The following SH3PXD2B variants were observed in gnomAD, a reference collection of about 807,000 sequenced individuals.
SH3PXD2B encodes the protein SH3 and PX domain-containing protein 2B.
In SH3PXD2B, 37 loss-of-function variants were observed where a neutral mutation model predicts 73.1. The observed-to-expected ratio is 0.51, with a 90% CI of 0.39 to 0.67. SH3PXD2B has a LOEUF of 0.67. SH3PXD2B is among the 30% of genes least tolerant of loss of function. The pLI is 0.00. For missense variants in SH3PXD2B, 1,053 were observed against 1,197.8 expected, an observed-to-expected ratio of 0.88 and a Z score of 1.78; for synonymous variants, 457 against 480.5, an observed-to-expected ratio of 0.95 and a Z score of 0.64.
intron 1 of SH3PXD2B, among the ~76,000 whole-genome samples, chr5:172,423,425 A>G (rs1356524002): frequency 6.6e-6 from 1 of 152,006 alleles, no homozygotes; most frequent in East Asian, 1.9e-4. Flanking sequence ...TTTCACAGGC[A>G]GTGTCCCTGT....
Position 172,368,652 on chromosome 5 carries a change from A to T in SH3PXD2B, c.427+5138T>A, listed in dbSNP as rs182011684. Among the ~76,000 whole-genome samples the T allele has an allele frequency of 1.8e-3, 21 of 11,656 alleles. 3 individuals are homozygous for T. Among genetic ancestry groups the T allele is most frequent in the Non-Finnish European group, 2.2e-3 (19 of 8,530 alleles). The allele number at this position is 11,656 out of a possible 152,430, so 7.6% of individuals were successfully genotyped here. ...TATAATATATATGTTATATATATAAAATATATATATTATATATATATAAAA... is the reference window on the plus strand; with the variant it reads ...TATAATATATATGTTATATATATAATATATATATATTATATATATATAAAA... On this transcript the variant is annotated intron_variant, in intron 6 of 12. Coordinates refer to ENST00000311601, the MANE Select transcript of SH3PXD2B (RefSeq NM_001017995.3).
intron 3 of SH3PXD2B, among the ~76,000 whole-genome samples, chr5:172,400,937 A>G (rs1333792525): frequency 6.6e-6 from 1 of 152,188 alleles, no homozygotes; most frequent in African/African-American, 2.4e-5. Context: ...TTCTAAAAAG[A>G]TCTAAGAGAT....
intron 4 of SH3PXD2B, among the ~76,000 whole-genome samples, chr5:172,393,854 G>A (rs1758238625): frequency 6.6e-6 from 1 of 152,172 alleles, no homozygotes; most frequent in South Asian, 2.1e-4. Context: ...ACAGGAAGCT[G>A]CTGCACCATC....
intron 6 of SH3PXD2B, among the ~76,000 whole-genome samples, chr5:172,367,062 G>C (rs1757545512): frequency 6.7e-6 from 1 of 149,772 alleles, no homozygotes; most frequent in African/African-American, 2.5e-5. Context: ...TCAGCCTCCC[G>C]AGTAACTGGG....
At chr5:172,329,193 G>T (rs1231630204), downstream of SH3PXD2B, among the ~76,000 whole-genome samples, 1 of 148,004 alleles carries the variant, frequency 6.8e-6, no homozygotes, top group Non-Finnish European at 1.5e-5. Flanking sequence ...TGATTCTCCT[G>T]ACTCAGCCTC....
chr5:172,336,284 C>A lies in SH3PXD2B; in HGVS notation c.*2085G>T, dbSNP rs190667785. On this transcript the variant is annotated 3_prime_UTR_variant, in exon 13 of 13. Coordinates refer to ENST00000311601, the MANE Select transcript of SH3PXD2B (RefSeq NM_001017995.3). ...TTTAAACCAAAGTGGATCAAGAACT[C>A]AGGAAAACTGCCATGGGGCCTCCTC... 705 of 985,508 alleles carry A rather than the reference C, an allele frequency of 7.2e-4. No individual in the cohort carries two copies. The highest frequency in any genetic ancestry group is 8.2e-4 in the Non-Finnish European group (679 of 829,944). The allele number at this position is 985,508 out of a possible 1,614,324, so 61.0% of individuals were successfully genotyped here.
Position 172,344,353 on chromosome 5 carries a change from C to T in SH3PXD2B, c.1188+1783G>A, listed in dbSNP as rs138391756. ...CTGTAATGCCAGAACTTTGGGAGGC[C>T]GAGGTGGGCAGATCACCTGAGGTCA... On this transcript the variant is annotated intron_variant, in intron 12 of 12. Coordinates refer to ENST00000311601, the MANE Select transcript of SH3PXD2B (RefSeq NM_001017995.3). Among the ~76,000 whole-genome samples, 352 of 152,100 alleles carry T rather than the reference C, an allele frequency of 2.3e-3. 4 individuals are homozygous for T. The highest frequency in any genetic ancestry group is 8.1e-3 in the African/African-American group (335 of 41,460).
intron 8 of SH3PXD2B, among the ~76,000 whole-genome samples, chr5:172,357,384 A>G (rs1757305338): frequency 6.6e-6 from 1 of 151,864 alleles, no homozygotes; most frequent in Non-Finnish European, 1.5e-5. Flanking sequence ...AGATCATGCC[A>G]CTGTACTCCA....
intron 3 of SH3PXD2B, among the ~76,000 whole-genome samples, chr5:172,396,438 G>C (rs1758300903): frequency 6.6e-6 from 1 of 151,884 alleles, no homozygotes. Flanking sequence ...AAGGAATGTT[G>C]AAAAACAACC....
chr5:172,334,460 T>G lies in SH3PXD2B; in HGVS notation c.*3909A>C, dbSNP rs1756639836. ...AGGTCATCTTTGGTCTGTGGTGAGG[T>G]ATGGATGTCTGCAGTCTACACAACA... On this transcript the variant is annotated 3_prime_UTR_variant, in exon 13 of 13. Transcript: ENST00000311601. 6.1e-5 allele frequency: 60 copies of G among 986,738 alleles called. No individual in the cohort carries two copies. The highest frequency in any genetic ancestry group is 7.1e-5 in the Non-Finnish European group (59 of 831,112). The allele number at this position is 986,738 out of a possible 1,614,324, so 61.1% of individuals were successfully genotyped here. A position where few individuals can be genotyped will look rare whatever the true frequency, so the allele number is the denominator to read the frequency against.
intron 12 of SH3PXD2B, among the ~76,000 whole-genome samples, chr5:172,345,577 C>T (rs1220196100): frequency 6.6e-6 from 1 of 152,172 alleles, no homozygotes; most frequent in Non-Finnish European, 1.5e-5. Flanking sequence ...CCCTTACTTA[C>T]AGGTTTTCTT....
intron 6 of SH3PXD2B, among the ~76,000 whole-genome samples, chr5:172,370,064 C>T (rs1757666901): frequency 6.6e-6 from 1 of 152,160 alleles, no homozygotes; most frequent in Non-Finnish European, 1.5e-5. Flanking sequence ...CTTGTTCATT[C>T]AGCATCCAGC....
rs779604984 is a variant in SH3PXD2B at position 172,339,112 on chromosome 5, T to A, written c.1993A>T (p.Asn665Tyr). 21 of 1,614,118 alleles carry A rather than the reference T, an allele frequency of 1.3e-5. No homozygotes were observed. The highest frequency in any genetic ancestry group is 1.7e-5 in the Non-Finnish European group (20 of 1,180,050). The change falls in exon 13 of 13, where the codon AAC becomes TAC. Residue 665 changes from asparagine to tyrosine, a missense_variant. Coordinates refer to ENST00000311601, the MANE Select transcript of SH3PXD2B (RefSeq NM_001017995.3). This position sits in a 1 kb window ranked among gnomAD's most constrained non-coding sequence, Gnocchi z 6.1. ...PQGEDQVDIC[N>Y]LRSKLRPAKS... ...GCAGGCCTGAGCTTACTCCTGAGGT[T>A]GCAGATGTCGACTTGGTCTTCGCCC...
chr5:172,352,780 C>T (rs1391163692), intron 9 of SH3PXD2B, among the ~76,000 whole-genome samples: 4 of 152,204 alleles, frequency 2.6e-5, no homozygotes, highest in Admixed American at 1.3e-4. Flanking sequence ...TTTCACCTCC[C>T]GCCATGATTC....
At chr5:172,344,865 C>A (rs2113270887) in intron 12 of SH3PXD2B, among the ~76,000 whole-genome samples, 1 of 152,098 alleles carries the variant, frequency 6.6e-6, no homozygotes, top group Non-Finnish European at 1.5e-5. Context: ...AGGCCTGGGC[C>A]AGATGTTGTG....
intron 1 of SH3PXD2B, among the ~76,000 whole-genome samples, chr5:172,425,744 C>T (rs2163790): frequency 0.41 from 62,637 of 151,574 alleles, 13,483 homozygotes; most frequent in East Asian, 0.7. Context: ...CCAGGGTACA[C>T]GTTTAAAAAT....
At chr5:172,452,361 G>A (rs1189279120) in intron 1 of SH3PXD2B, among the ~76,000 whole-genome samples, 1 of 152,230 alleles carries the variant, frequency 6.6e-6, no homozygotes, top group Non-Finnish European at 1.5e-5. Context: ...ACACAGCAGA[G>A]AATGAAAAGC....
intron 5 of SH3PXD2B, among the ~76,000 whole-genome samples, chr5:172,377,323 C>G (rs150971000): frequency 3.8e-4 from 58 of 152,294 alleles, no homozygotes; most frequent in Admixed American, 7.8e-4. Context: ...ATGGGTTGAC[C>G]TTCAGGATCC....
intron 5 of SH3PXD2B, among the ~76,000 whole-genome samples, chr5:172,376,001 T>C (rs1385474961): frequency 3.9e-5 from 6 of 152,088 alleles, no homozygotes; most frequent in Non-Finnish European, 7.4e-5. Context: ...AACCTCTTCA[T>C]ATCCTTGACA....
Sources: gnomAD v4.1 joint callset for allele counts (sites outside exome capture counted in the v4.1 genomes callset) on GRCh38, gnomAD v4.1.1 for gene constraint, Gnocchi (gnomAD v3.1) non-coding constraint, MANE v1.5 for transcripts, NCBI Gene and HGNC (gene_info 2026-07-23, HGNC 2026-07-21) for gene names.